Variants in AEBP2 observed in about 807,000 individuals in gnomAD.
AEBP2 encodes the protein AE binding protein 2, also known as zinc finger protein AEBP2.
A neutral mutation model predicts 50.8 loss-of-function variants in AEBP2; 10 were observed. That is an observed-to-expected ratio of 0.20 (90% CI 0.12 to 0.33). The LOEUF is 0.33. Among genes scored for constraint, AEBP2 ranks in the 10% least tolerant of loss-of-function variants. The pLI is 1.00. For missense variants in AEBP2, 570 were observed against 688.0 expected (o/e 0.83, Z 1.92); for synonymous variants, 296 against 261.3 (o/e 1.13, Z -1.28).
At chr12:19,413,849 C>A (rs1417360006) in intron 1 of AEBP2, among the ~76,000 whole-genome samples, 1 of 151,802 alleles carries the variant, frequency 6.6e-6, no homozygotes, top group Non-Finnish European at 1.5e-5. Flanking sequence ...TAGCTGGATT[C>A]CTTACTGCAA....
chr12:19,439,472 C>T (rs1333630581), upstream of AEBP2, among the ~76,000 whole-genome samples: 1 of 151,580 alleles, frequency 6.6e-6, no homozygotes, highest in Non-Finnish European at 1.5e-5. Flanking sequence ...CTGCCTCGTG[C>T]CGCCGCGCAG....
Position 19,519,401 on chromosome 12 carries a change from C to T in AEBP2, c.*1284C>T, listed in dbSNP as rs1949367632. ...AAATGTCTTTCACAGACTTAAGGGA[C>T]TATGTACTACTGTTAATATCTCTAA... On this transcript the variant is annotated 3_prime_UTR_variant, in exon 8 of 8. Coordinates refer to ENST00000266508, the MANE Select transcript of AEBP2 (RefSeq NM_153207.5). The T allele has an allele frequency of 6.6e-6, 1 of 152,508 alleles. No individual in the cohort carries two copies. The highest frequency in any genetic ancestry group is 6.5e-5 in the Admixed American group (1 of 15,276). 9.4% of individuals were successfully genotyped at this position (152,508 alleles called of 1,614,324 possible). A position where few individuals can be genotyped will look rare whatever the true frequency, so the allele number is the denominator to read the frequency against.
intron 1 of AEBP2, among the ~76,000 whole-genome samples, chr12:19,418,736 G>A (rs1025789690): frequency 6.6e-6 from 1 of 152,092 alleles, no homozygotes; most frequent in Admixed American, 6.6e-5. Context: ...CCTTGGGCAT[G>A]TGTGGTCAGG....
rs181109960 is a variant in AEBP2, at chr12:19,509,360, A to G, written c.1300-3038A>G. 5.5e-4 allele frequency: 98 copies of G among 178,022 alleles called. 1 individual carries two copies. Among genetic ancestry groups the G allele is most frequent in the African/African-American group, 2.3e-3 (98 of 42,560 alleles). The allele number at this position is 178,022 out of a possible 1,614,324, so 11.0% of individuals were successfully genotyped here. ...CTAAGCCACATACTTAGTAAAACAA[A>G]TGGCATTTTCATTCTCTTAATAATA... is the stretch of plus-strand genomic sequence containing the variant. On this transcript the variant is annotated intron_variant, in intron 5 of 7. Transcript: ENST00000266508.
intron 3 of AEBP2, among the ~76,000 whole-genome samples, chr12:19,482,903 C>G (rs1380740270): frequency 6.6e-6 from 1 of 152,056 alleles, no homozygotes; most frequent in Non-Finnish European, 1.5e-5. Flanking sequence ...AGACCTCATT[C>G]AGCTCCCATG....
chr12:19,474,275 C>A (rs1948616147), intron 3 of AEBP2, among the ~76,000 whole-genome samples: 1 of 152,154 alleles, frequency 6.6e-6, no homozygotes, highest in Admixed American at 6.5e-5. Flanking sequence ...TAGAGATTAA[C>A]AGTTTATGTT....
intron 1 of AEBP2, among the ~76,000 whole-genome samples, chr12:19,421,262 T>C (rs1177099543): frequency 6.8e-6 from 1 of 147,310 alleles, no homozygotes; most frequent in Non-Finnish European, 1.5e-5. Flanking sequence ...AAGAATTGCT[T>C]GAACCCAGGA....
chr12:19,475,305 G>A (rs993785498), intron 3 of AEBP2, among the ~76,000 whole-genome samples: 7 of 145,408 alleles, frequency 4.8e-5, no homozygotes, highest in Admixed American at 2.9e-4. Flanking sequence ...CTAATTATAA[G>A]TGAGAACAAA....
chr12:19,480,752 T>A (rs1948715543), intron 3 of AEBP2, among the ~76,000 whole-genome samples: 1 of 152,200 alleles, frequency 6.6e-6, no homozygotes, highest in African/African-American at 2.4e-5. Flanking sequence ...GATAACCTGA[T>A]GACTGTGTGC....
upstream of AEBP2, among the ~76,000 whole-genome samples, chr12:19,437,524 G>A (rs975677644): frequency 3.3e-5 from 5 of 151,976 alleles, no homozygotes; most frequent in South Asian, 2.1e-4. Context: ...CAGGTGTGCC[G>A]TAGAGACAGG....
chr12:19,407,570 G>A (rs2095736981), intron 1 of AEBP2, among the ~76,000 whole-genome samples: 1 of 152,046 alleles, frequency 6.6e-6, no homozygotes, highest in South Asian at 2.1e-4. Context: ...CCAAAGTGCT[G>A]GTATTACAGG....
chr12:19,458,346 G>A lies in AEBP2; in HGVS notation c.672-4164G>A, dbSNP rs527685657. Among the ~76,000 whole-genome samples the A allele has an allele frequency of 7.2e-5, 11 of 152,330 alleles. No individual in the cohort carries two copies. The East Asian group carries it at 2.1e-3, about 29-fold the overall frequency. On this transcript the variant is annotated intron_variant, in intron 1 of 7. Transcript: ENST00000266508. Reference sequence around the variant, plus strand: ...TAGAAGTTGGAGGAGCCTAAGAGGGGTTGTGAAGCAGAACTTCTGTTGGCC... The same window carrying A: ...TAGAAGTTGGAGGAGCCTAAGAGGGATTGTGAAGCAGAACTTCTGTTGGCC...
At chr12:19,440,516 C>T (rs1385884072) in intron 1 of AEBP2, 146 bp downstream of exon 1, 3 of 1,388,590 alleles carry the variant, frequency 2.2e-6, no homozygotes, top group Non-Finnish European at 2.8e-6. Context: ...GGAAATCTCT[C>T]GCCGTCGCCG....
intron 3 of AEBP2, among the ~76,000 whole-genome samples, chr12:19,490,489 T>C (rs1948880781): frequency 6.6e-6 from 1 of 151,478 alleles, no homozygotes; most frequent in African/African-American, 2.4e-5. Context: ...GTGATTCTTG[T>C]GCCTCAGCTT....
At chr12:19,512,556 TAAAAA>T (rs1201889510) in intron 6 of AEBP2, 91 bp downstream of exon 6, 1 of 883,222 alleles carries the variant, frequency 1.1e-6, no homozygotes, top group African/African-American at 1.7e-5. Context: ...TAAATTCAAA[TAAAAA>T]GAAATTACAT....
chr12:19,512,929 C>T (rs1276790862), intron 6 of AEBP2, among the ~76,000 whole-genome samples: 2 of 152,088 alleles, frequency 1.3e-5, no homozygotes, highest in Non-Finnish European at 2.9e-5. Flanking sequence ...GCCTGGGTAA[C>T]AGAGTGAGAC....
intron 6 of AEBP2, among the ~76,000 whole-genome samples, chr12:19,514,337 AT>A (rs1298209026): frequency 1.3e-5 from 2 of 152,118 alleles, no homozygotes; most frequent in African/African-American, 4.8e-5. Flanking sequence ...TTGCTGTCAG[AT>A]TTCCAGCAAG....
At chr12:19,438,885 C>A (rs1947889726), upstream of AEBP2, among the ~76,000 whole-genome samples, 1 of 152,138 alleles carries the variant, frequency 6.6e-6, no homozygotes, top group Non-Finnish European at 1.5e-5. Context: ...AGTATTTAAA[C>A]AATGCGACAG....
In AEBP2 at chr12:19,498,555, A is replaced by G. The variant is rs142654368; in HGVS notation, c.1175-1542A>G. On this transcript the variant is annotated intron_variant, in intron 4 of 7. Coordinates refer to ENST00000266508, the MANE Select transcript of AEBP2 (RefSeq NM_153207.5). ...TTGAATAGCCATAGTGTGGGAAATC[A>G]GCATATATGTAATTCAGAATATGCT... Among the ~76,000 whole-genome samples, 405 of 152,344 alleles carry G rather than the reference A, an allele frequency of 2.7e-3. 1 individual carries two copies. The highest frequency in any genetic ancestry group is 9.4e-3 in the African/African-American group (390 of 41,582).
Sources: gnomAD v4.1 joint callset for allele counts (sites outside exome capture counted in the v4.1 genomes callset) on GRCh38, gnomAD v4.1.1 for gene constraint, MANE v1.5 for transcripts, NCBI Gene and HGNC (gene_info 2026-07-23, HGNC 2026-07-21) for gene names.